Variants in PTPN5 observed in about 807,000 individuals in gnomAD.
PTPN5 encodes the protein protein tyrosine phosphatase non-receptor type 5, also known as tyrosine-protein phosphatase non-receptor type 5.
PTPN5 carries 29 observed loss-of-function variants against 73.9 expected under a neutral mutation model. The ratio of observed to expected loss-of-function variants is 0.39; its 90% CI spans 0.29 to 0.54. The LOEUF (loss-of-function observed/expected upper bound fraction) is 0.54, where lower values mean the gene tolerates loss of function less well. Among genes scored for constraint, PTPN5 ranks in the 20% least tolerant of loss-of-function variants. The pLI is 0.65. For synonymous variants in PTPN5, 267 were observed against 304.7 expected (o/e 0.88, Z 1.29); for missense variants, 652 against 751.4 (o/e 0.87, Z 1.55).
chr11:18,733,142 T>G lies in PTPN5; in HGVS notation c.1218+93A>C, dbSNP rs1326066904. On this transcript the variant is annotated intron_variant, in intron 11 of 14. Transcript: ENST00000358540. The surrounding 1 kb of genome is among the most constrained non-coding windows in gnomAD (Gnocchi z 4.3). Reference sequence around the variant, plus strand: ...GGCAGCGGAGTGAACACCGCCGACCTCTTGAGATTGTCATAAAGATTAATT... The same window carrying G: ...GGCAGCGGAGTGAACACCGCCGACCGCTTGAGATTGTCATAAAGATTAATT... 1.3e-6 allele frequency: 2 copies of G among 1,534,106 alleles called. No individual in the cohort carries two copies. Among genetic ancestry groups the G allele is most frequent in the Non-Finnish European group, 1.8e-6 (2 of 1,133,032 alleles).
chr11:18,731,757 G>GAACA (rs1189814562), intron 12 of PTPN5, among the ~76,000 whole-genome samples: 1 of 152,144 alleles, frequency 6.6e-6, no homozygotes, highest in East Asian at 1.9e-4. Flanking sequence ...GTGGGAGAGG[G>GAACA]AACAGCTCAG....
chr11:18,787,310 A>G (rs1174182448), intron 1 of PTPN5, among the ~76,000 whole-genome samples: 1 of 148,362 alleles, frequency 6.7e-6, no homozygotes, highest in Non-Finnish European at 1.5e-5. Context: ...ATAAATGGTC[A>G]TTTCCAACAT....
chr11:18,742,163 G>GC lies in PTPN5; in HGVS notation c.725+98dup. 6.5e-7 allele frequency: 1 copy of GC among 1,530,044 alleles called. No individual in the cohort carries two copies. The allele number at this position is 1,530,044 out of a possible 1,614,324, so 94.8% of individuals were successfully genotyped here. On this transcript the variant is annotated intron_variant, in intron 7 of 14. Transcript: ENST00000358540. This position sits in a 1 kb window ranked among gnomAD's most constrained non-coding sequence, Gnocchi z 4.1. ...CTGGCTAAGCTATAAGGCCAGCTCT[G>GC]CCCTGGGCACCAGGAGTCAGAGTCA...
At chr11:18,758,011 G>T (rs1286613916) in intron 3 of PTPN5, among the ~76,000 whole-genome samples, 4 of 152,160 alleles carry the variant, frequency 2.6e-5, no homozygotes, top group African/African-American at 7.2e-5. Context: ...AGCAACAAAG[G>T]GTCAGTAGCT....
chr11:18,763,649 A>G, intron 3 of PTPN5, among the ~76,000 whole-genome samples: 1 of 152,224 alleles, frequency 6.6e-6, no homozygotes, highest in Admixed American at 6.5e-5. Context: ...GAAGTTGTCC[A>G]TGAACTTTCC....
chr11:18,746,738 G>T (rs1362487762), intron 3 of PTPN5, among the ~76,000 whole-genome samples: 12 of 152,200 alleles, frequency 7.9e-5, no homozygotes, highest in Admixed American at 7.9e-4. Flanking sequence ...TGTCCATGGA[G>T]GTTATAGTTC....
At chr11:18,765,348 T>C (rs1034689130) in intron 3 of PTPN5, among the ~76,000 whole-genome samples, 1 of 152,078 alleles carries the variant, frequency 6.6e-6, no homozygotes. Flanking sequence ...TGTGGTCAAC[T>C]GGACTCAAGC....
chr11:18,771,051 G>A (rs1329387205), intron 2 of PTPN5, among the ~76,000 whole-genome samples: 1 of 152,198 alleles, frequency 6.6e-6, no homozygotes, highest in East Asian at 1.9e-4. Context: ...GAGCCAATCA[G>A]GGAGCCTGAG....
chr11:18,768,879 C>G (rs1205569568), intron 2 of PTPN5, among the ~76,000 whole-genome samples: 1 of 152,222 alleles, frequency 6.6e-6, no homozygotes, highest in Non-Finnish European at 1.5e-5. Context: ...CCTCCCTCCC[C>G]ACCAAGAGCA....
chr11:18,747,308 G>A (rs1208511054), intron 3 of PTPN5, among the ~76,000 whole-genome samples: 3 of 152,014 alleles, frequency 2.0e-5, no homozygotes, highest in Admixed American at 6.5e-5. Context: ...AAGCCACTGC[G>A]CCTGGCTAAT....
At chr11:18,790,122 A>T (rs2134385114) in intron 1 of PTPN5, among the ~76,000 whole-genome samples, 1 of 151,876 alleles carries the variant, frequency 6.6e-6, no homozygotes, top group Middle Eastern at 3.4e-3. Context: ...TGCACCAGGC[A>T]TCAGGCTCAG....
intron 3 of PTPN5, among the ~76,000 whole-genome samples, chr11:18,755,318 C>G (rs142394136): frequency 5.1e-4 from 77 of 152,334 alleles, no homozygotes; most frequent in African/African-American, 1.8e-3. Flanking sequence ...TGTGAGAGAT[C>G]AGGCCAGACT....
At chr11:18,785,584 G>A (rs1326790924) in intron 1 of PTPN5, among the ~76,000 whole-genome samples, 1 of 152,214 alleles carries the variant, frequency 6.6e-6, no homozygotes. Context: ...TCTTTAGGCA[G>A]ATGATGAAAT....
intron 1 of PTPN5, among the ~76,000 whole-genome samples, chr11:18,785,325 A>G (rs1274349271): frequency 6.6e-6 from 1 of 152,356 alleles, no homozygotes; most frequent in East Asian, 1.9e-4. Flanking sequence ...ACTATGTGCA[A>G]CAATAAAGAC....
intron 7 of PTPN5, among the ~76,000 whole-genome samples, chr11:18,741,811 C>T (rs144708451): frequency 7.9e-5 from 12 of 152,268 alleles, no homozygotes; most frequent in African/African-American, 1.9e-4. Flanking sequence ...CCCCAAACCT[C>T]GGCATTATGC....
chr11:18,743,075 C>T lies in PTPN5; in HGVS notation c.400G>A (p.Ala134Thr). The T allele has an allele frequency of 6.5e-7, 1 of 1,549,162 alleles. No homozygotes were observed. Among genetic ancestry groups the T allele is most frequent in the Non-Finnish European group, 8.7e-7 (1 of 1,144,650 alleles). ...CCCCACGTCCCAGAGTCAAGCCAGGCCTGGGGAACATCAGATAAACAGGTC... is the reference window on the plus strand; with the variant it reads ...CCCCACGTCCCAGAGTCAAGCCAGGTCTGGGGAACATCAGATAAACAGGTC... ...LTLLKQLEPT[A>T]WLDSGTWGVP... is the part of the protein sequence containing the mutation. Residue 134 changes from alanine (A) to threonine (T), a missense_variant and splice_region_variant, in exon 6 of 15, where the codon GCC (alanine) becomes ACC (threonine). Physicochemically the swap from Ala to Thr is moderately conservative, Grantham distance 58. This residue lies in a region of PTPN5 where 529 missense variants were observed against 573.9 expected (regional missense o/e 0.92). Transcript: ENST00000358540.
chr11:18,737,108 A>G (rs1190203837), intron 9 of PTPN5, among the ~76,000 whole-genome samples: 2 of 152,318 alleles, frequency 1.3e-5, no homozygotes, highest in African/African-American at 4.8e-5. Context: ...GTTTATGGGG[A>G]TTCACTTTCA....
intron 9 of PTPN5, among the ~76,000 whole-genome samples, chr11:18,734,093 G>T (rs946119328): frequency 6.6e-6 from 1 of 151,996 alleles, no homozygotes; most frequent in Non-Finnish European, 1.5e-5. Context: ...TGGAGGCAAA[G>T]ATGCCTACTT....
intron 1 of PTPN5, among the ~76,000 whole-genome samples, chr11:18,782,805 TATA>T (rs1222337777): frequency 1.3e-5 from 2 of 152,230 alleles, no homozygotes; most frequent in African/African-American, 4.8e-5. Context: ...TTTTGGTTGT[TATA>T]ATGACTGAAG....
Sources: allele counts gnomAD v4.1 joint callset (sites outside exome capture counted in the v4.1 genomes callset), GRCh38; gene constraint gnomAD v4.1.1; regional missense constraint gnomAD v4.1.1; non-coding constraint Gnocchi (gnomAD v3.1); transcripts MANE v1.5; gene names NCBI Gene and HGNC (gene_info 2026-07-23, HGNC 2026-07-21).